Variants in DPP6 observed in about 807,000 individuals in gnomAD.
The protein encoded by DPP6 is A-type potassium channel modulatory protein DPP6.
A neutral mutation model predicts 122.6 loss-of-function variants in DPP6; 69 were observed. The observed-to-expected ratio is 0.56, with a 90% CI of 0.46 to 0.69. The LOEUF (loss-of-function observed/expected upper bound fraction) is 0.69. DPP6 is among the 30% of genes least tolerant of loss of function. The probability of loss-of-function intolerance (pLI) is 0.00; values close to 1 mark genes in which losing one functional copy is unlikely to be tolerated. For missense variants in DPP6, 928 were observed against 1,116.9 expected, an observed-to-expected ratio of 0.83 and a Z score of 2.41; for synonymous variants, 418 against 433.1, an observed-to-expected ratio of 0.97 and a Z score of 0.43.
intron 1 of DPP6, among the ~76,000 whole-genome samples, chr7:154,165,865 G>A (rs1797222716): frequency 6.6e-6 from 1 of 152,176 alleles, no homozygotes; most frequent in Non-Finnish European, 1.5e-5. Flanking sequence ...TCCTCAGAAA[G>A]AAAGAGGAGA....
chr7:153,812,423 G>T, the DPP6 span, among the ~76,000 whole-genome samples: 2 of 152,012 alleles, frequency 1.3e-5, no homozygotes, highest in Non-Finnish European at 2.9e-5. Context: ...AACTCAGCAT[G>T]TTTCTGGGTA....
rs116129690 is a variant in DPP6, at chr7:153,928,708, C to T, written c.51+40974C>T. On this transcript the variant is annotated intron_variant, in intron 1 of 25. Coordinates refer to the DPP6 transcript ENST00000404039. Reference sequence around the variant, plus strand: ...AAGGCCCCACCTTTTAATACCATCACGTTGGTGATTACATTTCAAGGTACA... The same window carrying T: ...AAGGCCCCACCTTTTAATACCATCATGTTGGTGATTACATTTCAAGGTACA... Among the ~76,000 whole-genome samples the T allele has an allele frequency of 3.2e-3, 480 of 152,178 alleles. 2 individuals are homozygous for T. Among genetic ancestry groups the T allele is most frequent in the African/African-American group, 0.011 (467 of 41,530 alleles).
intron 1 of DPP6, among the ~76,000 whole-genome samples, chr7:154,417,682 C>T (rs565094156): frequency 1.3e-5 from 2 of 152,336 alleles, no homozygotes; most frequent in African/African-American, 2.4e-5. Context: ...TTCCTCACTC[C>T]CACCACAAGT....
At chr7:154,271,523 A>C (rs1803792623) in intron 1 of DPP6, among the ~76,000 whole-genome samples, 1 of 152,218 alleles carries the variant, frequency 6.6e-6, no homozygotes, top group Non-Finnish European at 1.5e-5. Flanking sequence ...GGAGGCCCTT[A>C]TCATTTTTAA....
chr7:153,828,074 A>G, the DPP6 span, among the ~76,000 whole-genome samples: 1 of 121,832 alleles, frequency 8.2e-6, no homozygotes, highest in Non-Finnish European at 1.9e-5. Context: ...TGAATCCCAC[A>G]TCACCCCACA....
chr7:154,365,835 G>A (rs1163370219), intron 1 of DPP6, among the ~76,000 whole-genome samples: 1 of 152,018 alleles, frequency 6.6e-6, no homozygotes, highest in African/African-American at 2.4e-5. Flanking sequence ...GCGGACGCCT[G>A]TAGTCCCAGC....
chr7:154,655,803 C>T (rs1247151154), intron 6 of DPP6, among the ~76,000 whole-genome samples: 1 of 152,150 alleles, frequency 6.6e-6, no homozygotes, highest in African/African-American at 2.4e-5. Flanking sequence ...GGTCATCTCC[C>T]CCAGGGTTTG....
At chr7:154,120,333 CT>C (rs1807357200) in intron 1 of DPP6, among the ~76,000 whole-genome samples, 1 of 152,006 alleles carries the variant, frequency 6.6e-6, no homozygotes. Context: ...CAAGCTCCCC[CT>C]CATGGGTTCA....
chr7:153,875,609 C>A, the DPP6 span, among the ~76,000 whole-genome samples: 3 of 151,822 alleles, frequency 2.0e-5, no homozygotes, highest in Non-Finnish European at 2.9e-5. Flanking sequence ...CAACTATCAA[C>A]TAATTGAAAT....
chr7:153,989,588 G>A (rs1255265883), intron 1 of DPP6, among the ~76,000 whole-genome samples: 3 of 151,960 alleles, frequency 2.0e-5, no homozygotes, highest in Non-Finnish European at 4.4e-5. Flanking sequence ...GACCCCAGCT[G>A]CGGTCCAGGG....
At chr7:154,870,679 T>C (rs1001440156) in intron 18 of DPP6, among the ~76,000 whole-genome samples, 1 of 151,650 alleles carries the variant, frequency 6.6e-6, no homozygotes, top group Non-Finnish European at 1.5e-5. Context: ...AATGTGTGTA[T>C]TGGCCAGTCA....
At chr7:154,182,051 C>T (rs978152454) in intron 1 of DPP6, among the ~76,000 whole-genome samples, 1 of 151,958 alleles carries the variant, frequency 6.6e-6, no homozygotes, top group East Asian at 1.9e-4. Flanking sequence ...CGTGCCTGGC[C>T]GAAAATGCAT....
At chr7:154,323,235 C>T (rs1481093134) in intron 1 of DPP6, among the ~76,000 whole-genome samples, 1 of 151,960 alleles carries the variant, frequency 6.6e-6, no homozygotes, top group African/African-American at 2.4e-5. Context: ...TCCAAGATAG[C>T]TCTATCGTGA....
intron 1 of DPP6, among the ~76,000 whole-genome samples, chr7:154,244,951 C>CTTTTTTT (rs745446498): frequency 1.5e-5 from 2 of 133,208 alleles, no homozygotes; most frequent in African/African-American, 5.6e-5. Flanking sequence ...TCTAAAGGGA[C>CTTTTTTT]TTTTTTTTTT....
chr7:154,429,550 A>G (rs1371926747), intron 1 of DPP6, among the ~76,000 whole-genome samples: 1 of 152,054 alleles, frequency 6.6e-6, no homozygotes, highest in Non-Finnish European at 1.5e-5. Flanking sequence ...TGGGTAACAC[A>G]CTCAAGAGGC....
At chr7:154,317,909 G>A (rs1240855334) in intron 1 of DPP6, among the ~76,000 whole-genome samples, 7 of 152,162 alleles carry the variant, frequency 4.6e-5, no homozygotes. Flanking sequence ...GGAGAGTCTG[G>A]CTTGTATATT....
intron 7 of DPP6, among the ~76,000 whole-genome samples, chr7:154,704,455 T>C (rs1415638545): frequency 6.6e-6 from 1 of 152,230 alleles, no homozygotes; most frequent in Non-Finnish European, 1.5e-5. Flanking sequence ...AAGGAAATTC[T>C]GATGTGGGTA....
intron 5 of DPP6, among the ~76,000 whole-genome samples, chr7:154,569,859 G>T (rs1831002586): frequency 6.6e-6 from 1 of 151,710 alleles, no homozygotes; most frequent in South Asian, 2.1e-4. Context: ...AGGTTCAAGG[G>T]CTCATTCCGA....
chr7:154,840,224 G>A (rs1296591941), intron 16 of DPP6, among the ~76,000 whole-genome samples: 1 of 152,188 alleles, frequency 6.6e-6, no homozygotes, highest in African/African-American at 2.4e-5. Context: ...CTTACAGATA[G>A]CTGAGAATGG....
Sources: allele counts gnomAD v4.1 joint callset (sites outside exome capture counted in the v4.1 genomes callset), GRCh38; gene constraint gnomAD v4.1.1; transcripts MANE v1.5; gene names NCBI Gene and HGNC (gene_info 2026-07-23, HGNC 2026-07-21).